PREX2: variants seen among roughly 807,000 people sequenced by gnomAD.
PREX2 encodes phosphatidylinositol-3,4,5-trisphosphate dependent Rac exchange factor 2.
PREX2 carries 107 observed loss-of-function variants against 203.2 expected under a neutral mutation model. The observed-to-expected ratio is 0.53, with a 90% CI of 0.45 to 0.62. PREX2 has a LOEUF of 0.62. Ranked by LOEUF, PREX2 falls within the 20% of genes least tolerant of loss-of-function variation. The probability of loss-of-function intolerance (pLI) is 0.00; values close to 1 mark genes in which losing one functional copy is unlikely to be tolerated. For synonymous variants in PREX2, 672 were observed against 663.6 expected (o/e 1.01, Z -0.19); for missense variants, 1,777 against 1,955.9 (o/e 0.91, Z 1.72).
At chr8:68,122,911 GT>G (rs1172576607) in intron 30 of PREX2, among the ~76,000 whole-genome samples, 2 of 152,054 alleles carry the variant, frequency 1.3e-5, no homozygotes, top group Admixed American at 1.3e-4. Context: ...GCTGAGAAGC[GT>G]TTTATGTCTG....
chr8:68,191,919 G>C (rs1419763090), intron 36 of PREX2, 131 bp downstream of exon 36: 1 of 634,332 alleles, frequency 1.6e-6, no homozygotes, highest in African/African-American at 1.9e-5. Flanking sequence ...TCTGTCATGA[G>C]ACAGTCTCTT....
At chr8:68,022,639 C>G (rs889858438) in intron 4 of PREX2, among the ~76,000 whole-genome samples, 4 of 152,224 alleles carry the variant, frequency 2.6e-5, no homozygotes, top group Middle Eastern at 3.4e-3. Context: ...TTGGCTGTCA[C>G]GGGCAAACTA....
chr8:68,192,204 T>C, intron 36 of PREX2, 131 bp from the exon 37 acceptor site: 1 of 647,202 alleles, frequency 1.5e-6, no homozygotes, highest in Non-Finnish European at 2.6e-6. Flanking sequence ...TTATAAATAT[T>C]AGTAGTCTCT....
chr8:68,045,282 C>T (rs1808318610), intron 8 of PREX2, among the ~76,000 whole-genome samples: 1 of 151,626 alleles, frequency 6.6e-6, no homozygotes, highest in African/African-American at 2.4e-5. Flanking sequence ...CCATTTTTCC[C>T]CAATGATTTT....
At chr8:68,205,299 CT>C (rs139279923) in intron 37 of PREX2, among the ~76,000 whole-genome samples, 2 of 152,020 alleles carry the variant, frequency 1.3e-5, no homozygotes, top group African/African-American at 2.4e-5. Flanking sequence ...TCTGTTTGTC[CT>C]TTTTTTCTCC....
chr8:68,093,751 CT>C, intron 21 of PREX2, 29 bp downstream of exon 21: 1 of 1,208,148 alleles, frequency 8.3e-7, no homozygotes, highest in South Asian at 1.3e-5. Context: ...TCTTCATGTG[CT>C]TATAGTATTC....
At chr8:68,084,533 C>T (rs2129612031) in intron 18 of PREX2, among the ~76,000 whole-genome samples, 1 of 152,068 alleles carries the variant, frequency 6.6e-6, no homozygotes, top group African/African-American at 2.4e-5. Context: ...CTGGGTTCTC[C>T]CTAGTGAGTC....
intron 12 of PREX2, 123 bp from the exon 13 acceptor site, chr8:68,069,712 A>G: frequency 2.0e-6 from 1 of 495,868 alleles, no homozygotes; most frequent in South Asian, 4.1e-5. Flanking sequence ...TAATTTTTAA[A>G]TTGGTTTAGA....
At chr8:67,968,470 T>C (rs1212003910) in intron 1 of PREX2, among the ~76,000 whole-genome samples, 1 of 152,226 alleles carries the variant, frequency 6.6e-6, no homozygotes, top group Non-Finnish European at 1.5e-5. Flanking sequence ...ATTACCATCA[T>C]CATTACCAAC....
chr8:68,227,273 A>C (rs1813073274), intron 39 of PREX2, among the ~76,000 whole-genome samples: 1 of 152,220 alleles, frequency 6.6e-6, no homozygotes, highest in South Asian at 2.1e-4. Context: ...GACAGAATCA[A>C]TAGTCTTTGG....
At chr8:68,212,020 T>G (rs573582980) in intron 37 of PREX2, among the ~76,000 whole-genome samples, 6 of 152,214 alleles carry the variant, frequency 3.9e-5, no homozygotes, top group Non-Finnish European at 7.3e-5. Flanking sequence ...AATTGTTTCA[T>G]GTCAACCAGA....
chr8:68,190,634 A>G (rs1812273273), intron 35 of PREX2, among the ~76,000 whole-genome samples: 3 of 152,126 alleles, frequency 2.0e-5, no homozygotes, highest in African/African-American at 4.8e-5. Flanking sequence ...TTGAAAACTT[A>G]CCTATTGGGT....
chr8:67,957,836 C>A (rs1014597416), intron 1 of PREX2, among the ~76,000 whole-genome samples: 1 of 152,096 alleles, frequency 6.6e-6, no homozygotes, highest in Non-Finnish European at 1.5e-5. Context: ...GTCCTAATCC[C>A]CAATACTTAA....
intron 34 of PREX2, among the ~76,000 whole-genome samples, chr8:68,147,231 G>C (rs1365749693): frequency 1.3e-5 from 2 of 152,096 alleles, no homozygotes; most frequent in Admixed American, 6.6e-5. Flanking sequence ...GAAGAGTAGA[G>C]GGAATAAAAT....
At chr8:68,179,509 G>A (rs1270660638) in intron 35 of PREX2, among the ~76,000 whole-genome samples, 1 of 152,146 alleles carries the variant, frequency 6.6e-6, no homozygotes, top group Admixed American at 6.6e-5. Flanking sequence ...CACTGGGGAA[G>A]GGGTCACCCT....
intron 34 of PREX2, among the ~76,000 whole-genome samples, chr8:68,149,043 T>G (rs1263289345): frequency 6.6e-6 from 1 of 152,240 alleles, no homozygotes; most frequent in Non-Finnish European, 1.5e-5. Flanking sequence ...CATTTTAGTT[T>G]TGTATATACA....
At chr8:68,106,696 CT>C (rs753479229) in intron 23 of PREX2, among the ~76,000 whole-genome samples, 11 of 151,942 alleles carry the variant, frequency 7.2e-5, no homozygotes, top group Non-Finnish European at 1.5e-4. Context: ...GATATTTATT[CT>C]TGAATTTAAT....
chr8:68,151,797 C>G (rs1417693954), intron 34 of PREX2, among the ~76,000 whole-genome samples: 1 of 149,438 alleles, frequency 6.7e-6, no homozygotes, highest in Admixed American at 6.6e-5. Context: ...AAAAAAAAAG[C>G]TGCCACCCAA....
chr8:67,983,700 A>C (rs1349469430), intron 1 of PREX2, among the ~76,000 whole-genome samples: 7 of 152,094 alleles, frequency 4.6e-5, no homozygotes, highest in Non-Finnish European at 1.0e-4. Context: ...AGTTTTCTTC[A>C]TTTATTGACC....
Sources: gnomAD v4.1 joint callset for allele counts (sites outside exome capture counted in the v4.1 genomes callset) on GRCh38, gnomAD v4.1.1 for gene constraint, MANE v1.5 for transcripts, NCBI Gene and HGNC (gene_info 2026-07-23, HGNC 2026-07-21) for gene names.